Variants in NFATC3 observed in about 807,000 individuals in gnomAD.
The protein encoded by NFATC3 is nuclear factor of activated T cells 3.
Under a neutral mutation model 98.6 loss-of-function variants are expected in NFATC3, and 46 were observed. The ratio of observed to expected loss-of-function variants is 0.47; its 90% CI spans 0.37 to 0.60. The LOEUF is 0.60. NFATC3 is among the 20% of genes least tolerant of loss of function. The pLI is 0.00. For missense variants in NFATC3, 1,256 were observed against 1,295.5 expected (o/e 0.97, Z 0.47); for synonymous variants, 512 against 472.2 (o/e 1.08, Z -1.09).
At chr16:68,205,600 G>C (rs761012637) in intron 9 of NFATC3, among the ~76,000 whole-genome samples, 1 of 152,020 alleles carries the variant, frequency 6.6e-6, no homozygotes, top group Non-Finnish European at 1.5e-5. Context: ...ATTATACATA[G>C]TTAAAAAAAA....
intron 3 of NFATC3, among the ~76,000 whole-genome samples, chr16:68,140,226 C>G (rs1180428893): frequency 6.6e-6 from 1 of 152,138 alleles, no homozygotes; most frequent in Non-Finnish European, 1.5e-5. Flanking sequence ...TCTCGGAACT[C>G]CTGGCCTCAG....
Position 68,123,066 on chromosome 16 carries a change from G to T in NFATC3, c.1183G>T (p.Val395Phe). ...KDSCGDQFLS[V>F]PSPFTWSKPK... ...TTCATGTGGTGATCAGTTTCTTTCA[G>T]TTCCTTCACCCTTTACCTGGAGCAA... The change falls in exon 2 of 10, where the codon GTT becomes TTT. Residue 395 changes from valine to phenylalanine, a missense_variant. Physicochemically the swap from Val to Phe is conservative, Grantham distance 50. Transcript: ENST00000346183. The T allele has an allele frequency of 6.2e-7, 1 of 1,610,094 alleles. No homozygotes were observed. The highest frequency in any genetic ancestry group is 2.2e-5 in the East Asian group (1 of 44,872).
intron 1 of NFATC3, among the ~76,000 whole-genome samples, chr16:68,091,597 A>G (rs910084756): frequency 1.3e-5 from 2 of 152,216 alleles, no homozygotes; most frequent in African/African-American, 4.8e-5. Flanking sequence ...TGAGTAGTAG[A>G]TAATTCAGTA....
At chr16:68,101,401 C>G (rs1276329360) in intron 1 of NFATC3, among the ~76,000 whole-genome samples, 2 of 152,140 alleles carry the variant, frequency 1.3e-5, no homozygotes, top group Non-Finnish European at 2.9e-5. Context: ...TCCTTGGCCT[C>G]CCAAAGTGTT....
Position 68,123,129 on chromosome 16 carries a change from G to A in NFATC3, c.1238+8G>A. ...CCACACCCCTATATTTCGGTGAGTTGATGGAAATGGCTGCTGGTCATTTTT... is the reference window on the plus strand; with the variant it reads ...CCACACCCCTATATTTCGGTGAGTTAATGGAAATGGCTGCTGGTCATTTTT... On this transcript the variant is annotated splice_region_variant and intron_variant, in intron 2 of 9. Coordinates refer to ENST00000346183, the MANE Select transcript of NFATC3 (RefSeq NM_173165.3). The A allele has an allele frequency of 6.3e-7, 1 of 1,584,580 alleles. No homozygotes were observed. The highest frequency in any genetic ancestry group is 8.5e-7 in the Non-Finnish European group (1 of 1,172,896).
Position 68,099,777 on chromosome 16 carries a change from A to G in NFATC3, c.103+13993A>G, listed in dbSNP as rs1281552311. 2.6e-5 allele frequency among the ~76,000 whole-genome samples: 4 copies of G among 152,244 alleles called. No homozygotes were observed. In the East Asian group the frequency reaches 5.8e-4, roughly 22 times the overall value. On this transcript the variant is annotated intron_variant, in intron 1 of 9. Coordinates refer to ENST00000346183, the MANE Select transcript of NFATC3 (RefSeq NM_173165.3). ...ATTATTTCAAGAAAATGTTAGCTACATAAATTAAGTCATACACTATGGGAC... is the reference window on the plus strand; with the variant it reads ...ATTATTTCAAGAAAATGTTAGCTACGTAAATTAAGTCATACACTATGGGAC...
intron 1 of NFATC3, among the ~76,000 whole-genome samples, chr16:68,096,997 G>A (rs1415008939): frequency 3.3e-5 from 5 of 152,196 alleles, no homozygotes; most frequent in African/African-American, 4.8e-5. Flanking sequence ...TGGAGGTGGG[G>A]ACACATGTAT....
At chr16:68,188,279 C>T (rs2040294295) in intron 8 of NFATC3, among the ~76,000 whole-genome samples, 2 of 152,136 alleles carry the variant, frequency 1.3e-5, no homozygotes, top group Non-Finnish European at 1.5e-5. Context: ...GGTCAGCAGC[C>T]ATCGTTTGAG....
At chr16:68,089,300 T>G in intron 1 of NFATC3, 1 of 983,456 alleles carries the variant, frequency 1.0e-6, no homozygotes, top group Non-Finnish European at 1.2e-6. Context: ...GAGATGGACT[T>G]GATAACGCTT....
At chr16:68,161,409 T>G (rs2038887245) in intron 4 of NFATC3, among the ~76,000 whole-genome samples, 1 of 152,212 alleles carries the variant, frequency 6.6e-6, no homozygotes, top group Non-Finnish European at 1.5e-5. Flanking sequence ...TAACTTGGCT[T>G]GAGGGACAGT....
chr16:68,193,877 A>G (rs1125332), intron 9 of NFATC3, among the ~76,000 whole-genome samples: 17,663 of 141,368 alleles, frequency 0.12, 1,171 homozygotes, highest in South Asian at 0.17. Flanking sequence ...GAAGAAGGGT[A>G]TGTTTGTCAG....
At chr16:68,199,331 C>T (rs1179704312) in intron 9 of NFATC3, among the ~76,000 whole-genome samples, 4 of 149,318 alleles carry the variant, frequency 2.7e-5, no homozygotes, top group African/African-American at 9.8e-5. Flanking sequence ...TCACGCCATT[C>T]TCCTGCCTCA....
At chr16:68,159,052 C>T (rs2038756009) in intron 4 of NFATC3, among the ~76,000 whole-genome samples, 3 of 152,084 alleles carry the variant, frequency 2.0e-5, no homozygotes, top group African/African-American at 7.2e-5. Flanking sequence ...AGCAACATGG[C>T]GAAACCTTGT....
rs2042066210 is a variant in NFATC3, at chr16:68,227,828, C to G, written c.*1357C>G. 1 of 151,988 alleles carries G rather than the reference C, an allele frequency of 6.6e-6. No individual in the cohort carries two copies. Among genetic ancestry groups the G allele is most frequent in the South Asian group, 2.1e-4 (1 of 4,826 alleles). 9.4% of individuals were successfully genotyped at this position (151,988 alleles called of 1,614,324 possible). On this transcript the variant is annotated 3_prime_UTR_variant, in exon 10 of 10. Coordinates refer to ENST00000346183, the MANE Select transcript of NFATC3 (RefSeq NM_173165.3). ...AAAAAAAAAACCTGCCCTTACCCCT[C>G]TCCCTAATGGGATTTTTTTTACCTG...
At chr16:68,200,602 C>T (rs1032109239) in intron 9 of NFATC3, 6 of 152,052 alleles carry the variant, frequency 3.9e-5, no homozygotes, top group African/African-American at 7.2e-5. Context: ...ACAGTACTGA[C>T]GTTTCACCAA....
chr16:68,213,444 TA>T (rs923545841), intron 9 of NFATC3, among the ~76,000 whole-genome samples: 7 of 146,964 alleles, frequency 4.8e-5, no homozygotes, highest in African/African-American at 7.8e-5. Context: ...AAATAAAAAT[TA>T]AAAAAAATAA....
chr16:68,105,091 G>GTTTTT (rs1171881277), intron 1 of NFATC3, among the ~76,000 whole-genome samples: 1 of 134,652 alleles, frequency 7.4e-6, no homozygotes, highest in Non-Finnish European at 1.6e-5. Context: ...GACTGTGTGG[G>GTTTTT]TTTTTTTTTT....
At chr16:68,198,077 TG>T (rs1438859603) in intron 9 of NFATC3, among the ~76,000 whole-genome samples, 2 of 152,140 alleles carry the variant, frequency 1.3e-5, no homozygotes, top group Non-Finnish European at 2.9e-5. Flanking sequence ...CCCACCACTT[TG>T]GGAGGCCCAG....
intron 3 of NFATC3, among the ~76,000 whole-genome samples, chr16:68,133,221 C>T (rs888012179): frequency 3.3e-5 from 5 of 152,070 alleles, no homozygotes; most frequent in Admixed American, 6.5e-5. Flanking sequence ...GCTGAGATTG[C>T]GCCACTGCAC....
Sources: gnomAD v4.1 joint callset for allele counts (sites outside exome capture counted in the v4.1 genomes callset) on GRCh38, gnomAD v4.1.1 for gene constraint, MANE v1.5 for transcripts, NCBI Gene and HGNC (gene_info 2026-07-23, HGNC 2026-07-21) for gene names.